The following AGBL2 variants were observed in gnomAD, a reference collection of about 807,000 sequenced individuals.
The protein encoded by AGBL2 is cytosolic carboxypeptidase 2.
A neutral mutation model predicts 103.0 loss-of-function variants in AGBL2; 87 were observed. That is an observed-to-expected ratio of 0.84 (90% CI 0.71 to 1.01). The LOEUF is 1.01. AGBL2 is among the 50% of genes least tolerant of loss of function. AGBL2 has a pLI of 0.00. For missense variants in AGBL2, 904 were observed against 1,023.5 expected, an observed-to-expected ratio of 0.88 and a Z score of 1.59; for synonymous variants, 335 against 356.7, an observed-to-expected ratio of 0.94 and a Z score of 0.69.
chr11:47,705,991 C>A lies in AGBL2; in HGVS notation c.233-74G>T. The A allele has an allele frequency of 3.2e-6, 4 of 1,245,970 alleles. No individual in the cohort carries two copies. In the South Asian group the frequency reaches 4.8e-5, roughly 15 times the overall value. The allele number at this position is 1,245,970 out of a possible 1,614,324, so 77.2% of individuals were successfully genotyped here. ...CTTTTCTTCTGTCTGCTATCCCCAT[C>A]CCTTCTCATTTCCTATGCTCACTCT... On this transcript the variant is annotated intron_variant, in intron 4 of 18. Coordinates refer to ENST00000525123, the MANE Select transcript of AGBL2 (RefSeq NM_024783.4).
intron 12 of AGBL2, among the ~76,000 whole-genome samples, 194 bp from the exon 13 acceptor site, chr11:47,680,267 T>C (rs7105791): frequency 0.35 from 53,382 of 150,654 alleles, 10,603 homozygotes; most frequent in South Asian, 0.52. Context: ...CTGGCTAACA[T>C]GGTGAAAGCT....
Position 47,663,078 on chromosome 11 carries a change from AG to A in AGBL2, c.2482del (p.Leu828TrpfsTer8), listed in dbSNP as rs1310675921. ...NLNRRDKDTP[L>X]DPSMATLILP... ...AATCAGGGTGGCCATTGATGGGTCCAGGGGGGTGTCTTTGTCTCTTCTATTT... is the reference window on the plus strand; with the variant it reads ...AATCAGGGTGGCCATTGATGGGTCCAGGGGGTGTCTTTGTCTCTTCTATTT... On this transcript the variant is annotated frameshift_variant, in exon 18 of 19. Coordinates refer to ENST00000525123, the MANE Select transcript of AGBL2 (RefSeq NM_024783.4). LOFTEE classifies it high-confidence loss of function. The A allele has an allele frequency of 1.9e-6, 3 of 1,598,272 alleles. No homozygotes were observed. The highest frequency in any genetic ancestry group is 1.4e-5 in the African/African-American group (1 of 74,030).
At chr11:47,698,966 CAAAAAA>C (rs5791781) in intron 8 of AGBL2, among the ~76,000 whole-genome samples, 3 of 117,572 alleles carry the variant, frequency 2.6e-5, no homozygotes, top group Non-Finnish European at 3.7e-5. Context: ...GTAGGAATGG[CAAAAAA>C]AAAAAAAAAA....
At chr11:47,696,036 A>AAAAAAAAAAAAAAAAAT (rs1565068979) in intron 8 of AGBL2, among the ~76,000 whole-genome samples, 1 of 9,958 alleles carries the variant, frequency 1.0e-4, no homozygotes, top group Non-Finnish European at 2.5e-4. Flanking sequence ...AAAAAAAAAA[A>AAAAAAAAAAAAAAAAAT]GAAAAAAAAA....
rs71228117 is a variant in AGBL2 at position 47,705,641 on chromosome 11, C to CAAAAAAA, written c.287-14_287-8dup. 4.4e-5 allele frequency: 18 copies of CAAAAAAA among 412,748 alleles called. No homozygotes were observed. Among genetic ancestry groups the CAAAAAAA allele is most frequent in the South Asian group, 1.6e-4 (5 of 32,074 alleles). 25.6% of individuals were successfully genotyped at this position (412,748 alleles called of 1,614,324 possible). ...CCCAGGCAAGAGTGAAAGTCTGTGT[C>CAAAAAAA]AAAAAAAAAAAAAAAAGAAAAAGAA... On this transcript the variant is annotated splice_polypyrimidine_tract_variant and splice_region_variant and intron_variant, in intron 5 of 18. Coordinates refer to ENST00000525123, the MANE Select transcript of AGBL2 (RefSeq NM_024783.4).
chr11:47,697,267 T>G (rs2097478342), intron 8 of AGBL2, among the ~76,000 whole-genome samples: 1 of 151,690 alleles, frequency 6.6e-6, no homozygotes, highest in East Asian at 1.9e-4. Flanking sequence ...AGATGGAGTC[T>G]CGGTCTGTCG....
intron 4 of AGBL2, among the ~76,000 whole-genome samples, chr11:47,709,492 A>AT (rs1245027285): frequency 2.0e-5 from 3 of 151,960 alleles, no homozygotes; most frequent in Non-Finnish European, 2.9e-5. Flanking sequence ...GCAAAAAATT[A>AT]TTTTTTTGTG....
intron 15 of AGBL2, among the ~76,000 whole-genome samples, chr11:47,668,208 C>A (rs1372100553): frequency 1.9e-3 from 184 of 95,010 alleles, no homozygotes; most frequent in African/African-American, 3.8e-3. Flanking sequence ...GACTCCATCT[C>A]AAAAAAAAAA....
intron 14 of AGBL2, 143 bp downstream of exon 14, chr11:47,677,128 C>A (rs1199109926): frequency 1.6e-6 from 1 of 607,994 alleles, no homozygotes; most frequent in Non-Finnish European, 2.4e-6. Flanking sequence ...CCACCTCAGC[C>A]TCCCCAGTGT....
At chr11:47,691,535 G>A (rs1265038522) in intron 9 of AGBL2, among the ~76,000 whole-genome samples, 3 of 146,292 alleles carry the variant, frequency 2.1e-5, no homozygotes, top group South Asian at 2.2e-4. Flanking sequence ...GTGAAATCCC[G>A]TCTCTACTAA....
At chr11:47,666,770 T>C in intron 17 of AGBL2, 186 bp downstream of exon 17, 1 of 637,662 alleles carries the variant, frequency 1.6e-6, no homozygotes, top group Non-Finnish European at 2.8e-6. Flanking sequence ...GATTCCAGAC[T>C]TCAGTCATGT....
At chr11:47,673,631 GAA>G (rs1007516921) in intron 14 of AGBL2, among the ~76,000 whole-genome samples, 1 of 134,572 alleles carries the variant, frequency 7.4e-6, no homozygotes. Flanking sequence ...GTCTCAAAAA[GAA>G]AAAAAAAAAT....
At chr11:47,677,201 T>G in intron 14 of AGBL2, 70 bp downstream of exon 14, 1 of 1,284,012 alleles carries the variant, frequency 7.8e-7, no homozygotes, top group South Asian at 1.9e-5. Context: ...AGAGACAACA[T>G]CTCACTATAT....
At chr11:47,700,034 C>G (rs985600061) in intron 7 of AGBL2, among the ~76,000 whole-genome samples, 10 of 151,894 alleles carry the variant, frequency 6.6e-5, no homozygotes, top group African/African-American at 2.2e-4. Flanking sequence ...CTCGGCTCAC[C>G]GCAACCTCCG....
At chr11:47,706,605 G>A (rs1486778091) in intron 4 of AGBL2, among the ~76,000 whole-genome samples, 7 of 152,238 alleles carry the variant, frequency 4.6e-5, no homozygotes, top group East Asian at 3.9e-4. Context: ...GAGAGGTGGC[G>A]TGTGCCTATA....
intron 11 of AGBL2, among the ~76,000 whole-genome samples, chr11:47,682,916 GT>G (rs2097406944): frequency 6.6e-6 from 1 of 151,688 alleles, no homozygotes; most frequent in Non-Finnish European, 1.5e-5. Context: ...GCTTCAATTA[GT>G]TTGTTTTAGA....
At chr11:47,663,628 C>T (rs1308738699) in intron 17 of AGBL2, among the ~76,000 whole-genome samples, 1 of 151,382 alleles carries the variant, frequency 6.6e-6, no homozygotes, top group African/African-American at 2.4e-5. Flanking sequence ...GCAATCTTGG[C>T]TCACTGCAAC....
At chr11:47,673,928 C>T (rs569192766) in intron 14 of AGBL2, among the ~76,000 whole-genome samples, 1 of 148,280 alleles carries the variant, frequency 6.7e-6, no homozygotes, top group South Asian at 2.1e-4. Flanking sequence ...GGTGAAACCG[C>T]ATCTCTACTA....
chr11:47,666,864 T>C, intron 17 of AGBL2, 92 bp downstream of exon 17: 1 of 837,620 alleles, frequency 1.2e-6, no homozygotes, highest in South Asian at 1.4e-5. Context: ...GTAACGTAAA[T>C]GGCTATTACA....
Sources: allele counts gnomAD v4.1 joint callset (sites outside exome capture counted in the v4.1 genomes callset), GRCh38; gene constraint gnomAD v4.1.1; transcripts MANE v1.5; gene names NCBI Gene and HGNC (gene_info 2026-07-23, HGNC 2026-07-21).